Variants in SERPINA9 observed in about 807,000 individuals in gnomAD.
SERPINA9 encodes the protein serpin A9.
SERPINA9 carries 32 observed loss-of-function variants against 24.5 expected under a neutral mutation model. That is an observed-to-expected ratio of 1.30 (90% CI 0.98 to 1.75). The LOEUF is 1.75. SERPINA9 is among the 40% of genes most tolerant of loss of function. The probability of loss-of-function intolerance (pLI) is 0.00; values close to 1 mark genes in which losing one functional copy is unlikely to be tolerated. For synonymous variants in SERPINA9, 233 were observed against 197.7 expected (o/e 1.18, Z -1.50); for missense variants, 594 against 497.1 (o/e 1.19, Z -1.85).
Position 94,469,243 on chromosome 14 carries a change from T to C in SERPINA9, c.598A>G (p.Met200Val). 1 of 1,613,844 alleles carries C rather than the reference T, an allele frequency of 6.2e-7. No homozygotes were observed. The highest frequency in any genetic ancestry group is 1.1e-5 in the South Asian group (1 of 91,046). ...AAGAAAATGTGGTTCACCAGAACCA[T>C]GGCCGTCAGAAGGTCAAGGCCTTGG... ...IIQGLDLLTA[M>V]VLVNHIFFKA... Residue 200 changes from methionine to valine, a missense_variant, in exon 2 of 5, where the codon ATG becomes GTG. Met to Val is a conservative substitution (Grantham distance 21). Coordinates refer to ENST00000674397, the MANE Select transcript of SERPINA9 (RefSeq NM_175739.4).
At position 94,467,277 on chromosome 14, in the gene SERPINA9, T is replaced by C. The variant is rs774392469; in HGVS notation, c.734A>G (p.Gln245Arg). The change falls in exon 3 of 5, where the codon CAG becomes CGG. Residue 245 changes from glutamine (Q) to arginine (R), a missense_variant. By Grantham distance (43) the Gln-to-Arg change is conservative. Transcript: ENST00000674397. ...CTCTGTATCCACCCCAAAAGCGAAC[T>C]GCTCTTTCTGGTGCATCATGGGGAC... is the stretch of plus-strand genomic sequence containing the variant. ...VHVPMMHQKEQFAFGVDTELN... is the reference protein window; with the variant it reads ...VHVPMMHQKERFAFGVDTELN... 1.2e-6 allele frequency: 2 copies of C among 1,614,168 alleles called. No homozygotes were observed. The highest frequency in any genetic ancestry group is 1.3e-5 in the African/African-American group (1 of 75,076).
chr14:94,464,322 T>G, intron 4 of SERPINA9: 2 of 211,006 alleles, frequency 9.5e-6, no homozygotes, highest in East Asian at 9.2e-5. Flanking sequence ...TCTCTCTCCT[T>G]ACACACTGAA....
Position 94,467,243 on chromosome 14 carries a change from G to A in SERPINA9, c.768C>T (p.Cys256=), listed in dbSNP as rs372600444. 1.9e-6 allele frequency: 3 copies of A among 1,614,090 alleles called. No homozygotes were observed. The highest frequency in any genetic ancestry group is 2.5e-6 in the Non-Finnish European group (3 of 1,180,046). The change falls in exon 3 of 5, where the codon TGC becomes TGT. Residue 256 remains cysteine, a synonymous_variant. Coordinates refer to ENST00000674397, the MANE Select transcript of SERPINA9 (RefSeq NM_175739.4). ...FAFGVDTELN[C]FVLQMDYKGD... ...CCTTGTAATCCATCTGCAGCACAAA[G>A]CAGTTCAGCTCTGTATCCACCCCAA...
At chr14:94,475,958 T>C (rs575197715) in intron 1 of SERPINA9, 178 bp downstream of exon 1, 5 of 836,230 alleles carry the variant, frequency 6.0e-6, no homozygotes, top group African/African-American at 3.4e-5. Flanking sequence ...CCAGCCTGGC[T>C]TCTGTATCCA....
At chr14:94,464,918 A>T in intron 3 of SERPINA9, 64 bp from the exon 4 acceptor site, 1 of 1,423,572 alleles carries the variant, frequency 7.0e-7, no homozygotes, top group Non-Finnish European at 9.6e-7. Context: ...CTCTGCTCCT[A>T]GATGCCATTT....
intron 2 of SERPINA9, 112 bp downstream of exon 2, chr14:94,469,101 C>T (rs548194436): frequency 5.9e-5 from 55 of 936,464 alleles, no homozygotes; most frequent in Admixed American, 1.6e-4. Flanking sequence ...CAGGCCCTCC[C>T]ATTTCTCCAC....
intron 2 of SERPINA9, among the ~76,000 whole-genome samples, chr14:94,468,899 G>T (rs1238661269): frequency 6.6e-6 from 1 of 152,168 alleles, no homozygotes; most frequent in African/African-American, 2.4e-5. Context: ...GACAGCTGCT[G>T]GTGGCAAGAG....
At position 94,467,205 on chromosome 14, in the gene SERPINA9, G is replaced by C; in HGVS notation, c.806C>G (p.Ala269Gly). 6.8e-6 allele frequency: 11 copies of C among 1,614,220 alleles called. No individual in the cohort carries two copies. Among genetic ancestry groups the C allele is most frequent in the South Asian group, 2.2e-5 (2 of 91,082 alleles). The change falls in exon 3 of 5, where the codon GCC becomes GGC. Residue 269 changes from alanine to glycine, a missense_variant. Ala to Gly is a moderately conservative substitution (Grantham distance 60). Transcript: ENST00000674397. The part of the protein sequence containing the change: ...LQMDYKGDAV[A>G]FFVLPSKGKM... The stretch of plus-strand genomic sequence containing the variant: ...GCCCTTGCTAGGGAGGACAAAGAAG[G>C]CCACGGCATCTCCCTTGTAATCCAT...
chr14:94,472,507 G>C (rs1384691162), intron 1 of SERPINA9, among the ~76,000 whole-genome samples: 1 of 152,208 alleles, frequency 6.6e-6, no homozygotes, highest in Non-Finnish European at 1.5e-5. Flanking sequence ...CGTGCCTTTA[G>C]ATAATCTCTA....
At chr14:94,475,871 C>A (rs1899610375) in intron 1 of SERPINA9, 2 of 518,254 alleles carry the variant, frequency 3.9e-6, no homozygotes, top group South Asian at 3.3e-5. Flanking sequence ...ATACTCCTCC[C>A]CTTGTGGCCC....
intron 1 of SERPINA9, among the ~76,000 whole-genome samples, chr14:94,471,334 AG>A (rs1353223523): frequency 6.6e-6 from 1 of 152,190 alleles, no homozygotes; most frequent in Non-Finnish European, 1.5e-5. Context: ...GAGAAGGAAA[AG>A]ATAAGAGAAC....
intron 4 of SERPINA9, chr14:94,464,306 T>C (rs916091405): frequency 5.2e-4 from 30 of 57,726 alleles, no homozygotes; most frequent in East Asian, 6.6e-4. Flanking sequence ...TCTCTCTCTC[T>C]CTCTCTCTCT....
chr14:94,475,807 A>T (rs1378018546), intron 1 of SERPINA9: 2 of 430,924 alleles, frequency 4.6e-6, no homozygotes, highest in Admixed American at 4.0e-5. Flanking sequence ...ACGACACAAC[A>T]ACAAAAACAC....
intron 4 of SERPINA9, 110 bp downstream of exon 4, chr14:94,464,597 G>A (rs1041151201): frequency 1.1e-6 from 1 of 930,416 alleles, no homozygotes; most frequent in African/African-American, 1.6e-5. Context: ...AGAAGACCCT[G>A]ACTTCACCTT....
At position 94,462,737 on chromosome 14, in the gene SERPINA9, T is replaced by C. The variant is rs1898798395; in HGVS notation, c.*356A>G. ...AGGACTCTGTTGACAGATGAATTCA[T>C]ATTTTAGTTTTATTGAATGTGTTAT... On this transcript the variant is annotated 3_prime_UTR_variant, in exon 5 of 5. Transcript: ENST00000674397. 1 of 252,496 alleles carries C rather than the reference T, an allele frequency of 4.0e-6. No homozygotes were observed. The highest frequency in any genetic ancestry group is 2.2e-5 in the African/African-American group (1 of 44,608). 15.6% of individuals were successfully genotyped at this position (252,496 alleles called of 1,614,324 possible). A position where few individuals can be genotyped will look rare whatever the true frequency, so the allele number is the denominator to read the frequency against.
intron 3 of SERPINA9, 106 bp from the exon 4 acceptor site, chr14:94,464,960 T>C: frequency 1.1e-6 from 1 of 950,276 alleles, no homozygotes; most frequent in South Asian, 1.8e-5. Context: ...CAACCACTGC[T>C]AATTTCTGCT....
chr14:94,470,554 C>A, intron 1 of SERPINA9, among the ~76,000 whole-genome samples: 1 of 152,174 alleles, frequency 6.6e-6, no homozygotes, highest in East Asian at 1.9e-4. Context: ...AATTTCAAAC[C>A]CCAACAGGGC....
In SERPINA9 at chr14:94,463,024, A is replaced by G; in HGVS notation, c.*69T>C. ...GGGGTCAAATGCACCCTCAGAACAGAAAGAGGGATGTGGTTTGTTATTTCT... is the reference window on the plus strand; with the variant it reads ...GGGGTCAAATGCACCCTCAGAACAGGAAGAGGGATGTGGTTTGTTATTTCT... On this transcript the variant is annotated 3_prime_UTR_variant, in exon 5 of 5. Transcript: ENST00000674397. The G allele has an allele frequency of 3.7e-6, 5 of 1,351,208 alleles. No individual in the cohort carries two copies. Among genetic ancestry groups the G allele is most frequent in the Non-Finnish European group, 5.3e-6 (5 of 941,790 alleles). The allele number at this position is 1,351,208 out of a possible 1,614,324, so 83.7% of individuals were successfully genotyped here.
At chr14:94,470,820 C>G (rs1899279224) in intron 1 of SERPINA9, among the ~76,000 whole-genome samples, 1 of 152,178 alleles carries the variant, frequency 6.6e-6, no homozygotes, top group African/African-American at 2.4e-5. Flanking sequence ...TCTCCCCAGC[C>G]CTGCCTACAG....
Sources: gnomAD v4.1 joint callset for allele counts (sites outside exome capture counted in the v4.1 genomes callset) on GRCh38, gnomAD v4.1.1 for gene constraint, MANE v1.5 for transcripts, NCBI Gene and HGNC (gene_info 2026-07-23, HGNC 2026-07-21) for gene names.